KRABD4: variants seen among roughly 807,000 people sequenced by gnomAD.
KRABD4 encodes KRAB domain-containing protein 4.
At chrX:46,470,041 T>TC in the KRABD4 span, among the ~76,000 whole-genome samples, 2 of 111,212 alleles carry the variant, frequency 1.8e-5, no homozygotes, top group Non-Finnish European at 3.8e-5. Context: ...TTTCTGTTCA[T>TC]CCCCCCAACC....
the KRABD4 span, chrX:46,471,084 T>G: frequency 8.8e-7 from 1 of 1,130,242 alleles, no homozygotes; most frequent in Admixed American, 2.7e-5. Flanking sequence ...TATCAATTAT[T>G]GAGAGAAAGT....
the KRABD4 span, among the ~76,000 whole-genome samples, chrX:46,467,479 C>A: frequency 9.0e-6 from 1 of 110,773 alleles, no homozygotes; most frequent in South Asian, 3.9e-4. Context: ...TGCTTGAACC[C>A]AGGAGGTGGA....
chrX:46,464,055 C>A, the KRABD4 span, among the ~76,000 whole-genome samples: 18 of 100,135 alleles, frequency 1.8e-4, no homozygotes, highest in Non-Finnish European at 1.2e-4. Flanking sequence ...TTTACTTTTT[C>A]AAAAAAAAAA....
At chrX:46,466,239 T>C in the KRABD4 span, among the ~76,000 whole-genome samples, 1 of 112,305 alleles carries the variant, frequency 8.9e-6, no homozygotes, top group Non-Finnish European at 1.9e-5. Flanking sequence ...TGATTTCTCC[T>C]TTTACTTTTA....
the KRABD4 span, among the ~76,000 whole-genome samples, chrX:46,452,407 A>G: frequency 2.4e-4 from 26 of 109,187 alleles, no homozygotes; most frequent in African/African-American, 8.4e-4. Flanking sequence ...TGTGCATTGT[A>G]TATGTAACAG....
At chrX:46,467,307 C>T in the KRABD4 span, among the ~76,000 whole-genome samples, 1 of 111,417 alleles carries the variant, frequency 9.0e-6, no homozygotes, top group Non-Finnish European at 1.9e-5. Context: ...AATCCCAGCA[C>T]TTTGGGAGGC....
At chrX:46,472,304 A>G in the KRABD4 span, 1 of 121,854 alleles carries the variant, frequency 8.2e-6, no homozygotes, top group Non-Finnish European at 1.7e-5. Flanking sequence ...TCTAGTTCCT[A>G]TTTTACACAC....
chrX:46,470,882 G>T, the KRABD4 span, among the ~76,000 whole-genome samples: 3 of 110,511 alleles, frequency 2.7e-5, no homozygotes, highest in African/African-American at 6.6e-5. Flanking sequence ...ATATGATTTT[G>T]TATAAATTTG....
chrX:46,461,466 C>T, the KRABD4 span, among the ~76,000 whole-genome samples: 1 of 111,615 alleles, frequency 9.0e-6, no homozygotes, highest in African/African-American at 3.3e-5. Context: ...TGCCTGTCCC[C>T]ACCCTCTGGC....
the KRABD4 span, chrX:46,450,400 C>G: frequency 8.9e-6 from 9 of 1,010,312 alleles, no homozygotes; most frequent in Admixed American, 2.0e-4. Flanking sequence ...CTGTACCTAC[C>G]GAATGTACTC....
chrX:46,469,146 C>A, the KRABD4 span, among the ~76,000 whole-genome samples: 3 of 112,160 alleles, frequency 2.7e-5, no homozygotes, highest in African/African-American at 9.7e-5. Context: ...TATGAGTCCT[C>A]TTACTTTGTT....
chrX:46,460,746 C>G, the KRABD4 span, among the ~76,000 whole-genome samples: 2 of 107,085 alleles, frequency 1.9e-5, no homozygotes, highest in Non-Finnish European at 3.8e-5. Context: ...CTCAGCCACC[C>G]TTAGTGCTGG....
At chrX:46,452,068 C>T in the KRABD4 span, among the ~76,000 whole-genome samples, 2 of 112,095 alleles carry the variant, frequency 1.8e-5, no homozygotes, top group Non-Finnish European at 3.8e-5. Context: ...CCTCAGCCTC[C>T]CAAGTAGCTG....
chrX:46,456,294 AATT>A, the KRABD4 span: 54 of 107,283 alleles, frequency 5.0e-4, no homozygotes, highest in African/African-American at 1.2e-3. Context: ...TGTATTATTA[AATT>A]ATTATATATT....
chrX:46,473,609 T>G, the KRABD4 span: 3 of 432,354 alleles, frequency 6.9e-6, no homozygotes, highest in Non-Finnish European at 7.7e-6. Context: ...GTGATGAAAT[T>G]TTGCACTGTC....
the KRABD4 span, among the ~76,000 whole-genome samples, chrX:46,469,183 T>G: frequency 8.9e-6 from 1 of 112,247 alleles, no homozygotes; most frequent in Non-Finnish European, 1.9e-5. Context: ...TTTTAACTAG[T>G]CTAGGTCCTT....
At chrX:46,457,697 C>A in the KRABD4 span, among the ~76,000 whole-genome samples, 1 of 97,807 alleles carries the variant, frequency 1.0e-5, no homozygotes, top group African/African-American at 3.8e-5. Context: ...TGAAAATATG[C>A]TCCTCCTATG....
chrX:46,459,311 CAAAAAAAAAAAAA>C, the KRABD4 span, among the ~76,000 whole-genome samples: 1 of 44,315 alleles, frequency 2.3e-5, no homozygotes, highest in Non-Finnish European at 4.0e-5. Context: ...GAGACTGTCT[CAAAAAAAAAAAAA>C]GAAAAAAAAA....
At chrX:46,449,084 A>G in the KRABD4 span, among the ~76,000 whole-genome samples, 4 of 112,359 alleles carry the variant, frequency 3.6e-5, no homozygotes, top group South Asian at 3.7e-4. Context: ...GCAGTATGCA[A>G]TGGTTACTCT....
Sources: allele counts gnomAD v4.1 joint callset (sites outside exome capture counted in the v4.1 genomes callset), GRCh38; gene constraint gnomAD v4.1.1; transcripts MANE v1.5; gene names NCBI Gene and HGNC (gene_info 2026-07-23, HGNC 2026-07-21).